The following ARID1B variants were observed in gnomAD, a reference collection of about 807,000 sequenced individuals.
The protein encoded by ARID1B is AT-rich interaction domain 1B, also known as AT-rich interactive domain-containing protein 1B.
In ARID1B, 30 loss-of-function variants were observed where a neutral mutation model predicts 212.3. That is an observed-to-expected ratio of 0.14 (90% CI 0.11 to 0.19). ARID1B has a LOEUF of 0.19. ARID1B is among the 10% of genes least tolerant of loss of function. The pLI is 1.00. For missense variants in ARID1B, 2,891 were observed against 3,204.0 expected (o/e 0.90, Z 2.36); for synonymous variants, 1,402 against 1,301.7 (o/e 1.08, Z -1.66).
chr6:156,863,903 G>GT (rs1785505729), intron 2 of ARID1B, among the ~76,000 whole-genome samples: 1 of 152,198 alleles, frequency 6.6e-6, no homozygotes, highest in South Asian at 2.1e-4. Flanking sequence ...TGTGTGGAGT[G>GT]TGGAGAGGGA....
At chr6:156,948,562 G>C (rs1179981503) in intron 4 of ARID1B, among the ~76,000 whole-genome samples, 1 of 152,156 alleles carries the variant, frequency 6.6e-6, no homozygotes. Context: ...CTGCATTTAT[G>C]CCTTTCTTTA....
chr6:157,039,646 T>TTCCTTCC (rs1781612907), intron 4 of ARID1B, among the ~76,000 whole-genome samples: 11 of 59,314 alleles, frequency 1.9e-4, no homozygotes, highest in Non-Finnish European at 2.9e-4. Context: ...TCCTTCCTTC[T>TTCCTTCC]TTCCTTCCTT....
At chr6:156,816,611 G>C (rs1781981127) in intron 1 of ARID1B, among the ~76,000 whole-genome samples, 1 of 152,160 alleles carries the variant, frequency 6.6e-6, no homozygotes, top group Non-Finnish European at 1.5e-5. Context: ...TGTGAAGGCA[G>C]GCTGCTGGAC....
At chr6:157,040,137 A>G (rs1781780236) in intron 4 of ARID1B, among the ~76,000 whole-genome samples, 1 of 151,958 alleles carries the variant, frequency 6.6e-6, no homozygotes, top group South Asian at 2.1e-4. Flanking sequence ...ACGGGGTTTC[A>G]CCATGTTGGC....
chr6:156,973,562 T>G (rs950276396), intron 4 of ARID1B, among the ~76,000 whole-genome samples: 1 of 152,212 alleles, frequency 6.6e-6, no homozygotes, highest in East Asian at 1.9e-4. Context: ...TAAACAGAAC[T>G]TAGTTTTTAA....
At chr6:156,838,528 G>GTA (rs1562424432) in intron 2 of ARID1B, among the ~76,000 whole-genome samples, 2 of 152,074 alleles carry the variant, frequency 1.3e-5, no homozygotes, top group Non-Finnish European at 2.9e-5. Flanking sequence ...GAAAGCAAGA[G>GTA]CTCTTAAAAC....
chr6:156,895,396 G>T (rs1788298360), intron 2 of ARID1B, among the ~76,000 whole-genome samples: 1 of 152,236 alleles, frequency 6.6e-6, no homozygotes, highest in African/African-American at 2.4e-5. Context: ...GAGAGGGACA[G>T]TCGCTCAGAC....
At chr6:156,806,003 A>G (rs1216784786) in intron 1 of ARID1B, among the ~76,000 whole-genome samples, 1 of 152,124 alleles carries the variant, frequency 6.6e-6, no homozygotes, top group Non-Finnish European at 1.5e-5. Context: ...AAACCCTGTA[A>G]TGTGAGTTCC....
chr6:156,779,607 G>C, intron 1 of ARID1B, 136 bp downstream of exon 1: 1 of 954,724 alleles, frequency 1.0e-6, no homozygotes, highest in South Asian at 5.0e-5. Flanking sequence ...AAGCCATCTT[G>C]ACGGGCGGCC....
chr6:156,867,316 G>A (rs1275056910), intron 2 of ARID1B, among the ~76,000 whole-genome samples: 2 of 152,198 alleles, frequency 1.3e-5, no homozygotes, highest in East Asian at 1.9e-4. Context: ...GGCCAGAGCT[G>A]TGTGGATGGC....
chr6:156,874,696 A>G (rs1456694982), intron 2 of ARID1B, among the ~76,000 whole-genome samples: 11 of 151,864 alleles, frequency 7.2e-5, no homozygotes, highest in Admixed American at 2.6e-4. Context: ...TAGGTCCCAC[A>G]TTTTCATGGT....
chr6:156,929,634 A>G lies in ARID1B; in HGVS notation c.2137-5832A>G, dbSNP rs531603923. Among the ~76,000 whole-genome samples the G allele has an allele frequency of 1.1e-4, 16 of 152,198 alleles. 1 individual carries two copies. The highest frequency in any genetic ancestry group is 3.9e-4 in the African/African-American group (16 of 41,522). ...AGATAATAACAATGTGGCCATCTTA[A>G]CTCTCTTCCTAGCATATCTATACTT... On this transcript the variant is annotated intron_variant, in intron 3 of 19. Coordinates refer to ENST00000636930, the MANE Select transcript of ARID1B (RefSeq NM_001374828.1).
chr6:156,891,874 GTTT>G (rs555568271), intron 2 of ARID1B, among the ~76,000 whole-genome samples: 1 of 132,574 alleles, frequency 7.5e-6, no homozygotes, highest in Non-Finnish European at 1.6e-5. Context: ...TTTCTTTTCT[GTTT>G]TTTTTTTTTT....
At chr6:156,819,874 T>C (rs1461042715) in intron 1 of ARID1B, among the ~76,000 whole-genome samples, 1 of 152,130 alleles carries the variant, frequency 6.6e-6, no homozygotes, top group Non-Finnish European at 1.5e-5. Context: ...AATGACATAT[T>C]TGAAATGTGT....
At chr6:157,106,485 C>G (rs1053216987) in intron 5 of ARID1B, among the ~76,000 whole-genome samples, 8 of 152,206 alleles carry the variant, frequency 5.3e-5, no homozygotes, top group African/African-American at 1.9e-4. Flanking sequence ...GCCTCTCGTT[C>G]TTGCCTTAGT....
In ARID1B at chr6:157,200,795, CAGG is replaced by C. The variant is rs755476506; in HGVS notation, c.4573_4575del (p.Glu1525del). 5 of 1,614,066 alleles carry C rather than the reference CAGG, an allele frequency of 3.1e-6. No individual in the cohort carries two copies. Among genetic ancestry groups the C allele is most frequent in the Non-Finnish European group, 4.2e-6 (5 of 1,180,044 alleles). The stretch of plus-strand genomic sequence containing the variant: ...CAACATGCAGTACAGCAGCCAGCAG[CAGG>C]AGATGTACAACCAGTATGGAGGCTC... On this transcript the variant is annotated inframe_deletion, in exon 18 of 20. Transcript: ENST00000636930. The surrounding 1 kb of genome is among the most constrained non-coding windows in gnomAD (Gnocchi z 4.3).
In ARID1B at chr6:157,084,595, A is replaced by C. The variant is rs978709257; in HGVS notation, c.2248-67A>C. ...TGAAGGGGACGTCATTATGATTTTC[A>C]AGTCGTCTTTTGATGAGATATTCAT... On this transcript the variant is annotated intron_variant, in intron 4 of 19. Coordinates refer to ENST00000636930, the MANE Select transcript of ARID1B (RefSeq NM_001374828.1). 5.2e-6 allele frequency: 8 copies of C among 1,547,322 alleles called. No homozygotes were observed. The African/African-American group carries it at 1.1e-4, about 21-fold the overall frequency.
Position 157,206,025 on chromosome 6 carries a change from T to C in ARID1B, c.5395-142T>C. On this transcript the variant is annotated intron_variant, in intron 19 of 19. Coordinates refer to ENST00000636930, the MANE Select transcript of ARID1B (RefSeq NM_001374828.1). The surrounding 1 kb of genome is among the most constrained non-coding windows in gnomAD (Gnocchi z 6.8). The stretch of plus-strand genomic sequence containing the variant: ...GACCTGAAGGGTAGTTTATCTTTCA[T>C]GGTCCAGCCAAAAAGGGAGACAAAC... 1.1e-6 allele frequency: 1 copy of C among 937,962 alleles called. No individual in the cohort carries two copies. The highest frequency in any genetic ancestry group is 1.6e-6 in the Non-Finnish European group (1 of 619,918). 58.1% of individuals were successfully genotyped at this position (937,962 alleles called of 1,614,324 possible).
chr6:157,162,987 G>A (rs140450196), intron 8 of ARID1B, among the ~76,000 whole-genome samples: 3 of 152,182 alleles, frequency 2.0e-5, no homozygotes, highest in African/African-American at 7.2e-5. Flanking sequence ...CCAAGGGTCT[G>A]GGGGGAGGCT....
Sources: gnomAD v4.1 joint callset for allele counts (sites outside exome capture counted in the v4.1 genomes callset) on GRCh38, gnomAD v4.1.1 for gene constraint, Gnocchi (gnomAD v3.1) non-coding constraint, MANE v1.5 for transcripts, NCBI Gene and HGNC (gene_info 2026-07-23, HGNC 2026-07-21) for gene names.